The following IQCJ variants were observed in gnomAD, a reference collection of about 807,000 sequenced individuals.
The protein encoded by IQCJ is IQ domain-containing protein J.
In IQCJ, 9 loss-of-function variants were observed where a neutral mutation model predicts 11.0. The observed-to-expected ratio is 0.82, with a 90% CI of 0.49 to 1.43. The LOEUF (loss-of-function observed/expected upper bound fraction) is 1.43. Ranked by LOEUF, IQCJ falls within the 40% of genes most tolerant of loss-of-function variation. IQCJ has a pLI of 0.00. For synonymous variants in IQCJ, 55 were observed against 51.3 expected (o/e 1.07, Z -0.31); for missense variants, 146 against 133.2 (o/e 1.10, Z -0.47).
At chr3:159,103,833 C>T (rs569944030) in intron 1 of IQCJ, among the ~76,000 whole-genome samples, 4 of 152,244 alleles carry the variant, frequency 2.6e-5, no homozygotes, top group Non-Finnish European at 5.9e-5. Context: ...GGAATAGGTA[C>T]ATTGTTTTGA....
At chr3:159,159,916 G>A (rs1485174918) in intron 1 of IQCJ, among the ~76,000 whole-genome samples, 1 of 151,890 alleles carries the variant, frequency 6.6e-6, no homozygotes, top group African/African-American at 2.4e-5. Flanking sequence ...ACTTCCTGAG[G>A]CCCTCACTAG....
At chr3:159,103,710 G>A (rs551444963) in intron 1 of IQCJ, among the ~76,000 whole-genome samples, 4 of 152,266 alleles carry the variant, frequency 2.6e-5, no homozygotes, top group African/African-American at 9.6e-5. Flanking sequence ...TCACCCACTT[G>A]TCCATGGTGT....
chr3:159,175,225 A>G (rs1244886041), intron 1 of IQCJ, among the ~76,000 whole-genome samples: 1 of 152,180 alleles, frequency 6.6e-6, no homozygotes, highest in Non-Finnish European at 1.5e-5. Context: ...TAATCCCAGC[A>G]CTTCAGGAGG....
At chr3:159,234,182 T>C (rs931571354) in intron 1 of IQCJ, among the ~76,000 whole-genome samples, 13 of 152,216 alleles carry the variant, frequency 8.5e-5, no homozygotes, top group Admixed American at 3.3e-4. Flanking sequence ...TATGTTTTCT[T>C]ATCCAAGAAA....
chr3:159,123,670 G>A (rs1719508022), intron 1 of IQCJ, among the ~76,000 whole-genome samples: 1 of 152,122 alleles, frequency 6.6e-6, no homozygotes, highest in African/African-American at 2.4e-5. Context: ...CCATATTTAA[G>A]TATGAAACTC....
chr3:159,147,588 G>A (rs890136441), intron 1 of IQCJ, among the ~76,000 whole-genome samples: 2 of 152,208 alleles, frequency 1.3e-5, no homozygotes, highest in African/African-American at 2.4e-5. Flanking sequence ...ATCTCAGTGA[G>A]ACCAACAATT....
At chr3:159,233,433 G>A (rs1158790274) in intron 1 of IQCJ, among the ~76,000 whole-genome samples, 1 of 152,082 alleles carries the variant, frequency 6.6e-6, no homozygotes, top group Admixed American at 6.5e-5. Context: ...GGCAAAACTG[G>A]GTAACTAATG....
intron 1 of IQCJ, among the ~76,000 whole-genome samples, chr3:159,135,045 G>A (rs1720209221): frequency 6.6e-6 from 1 of 152,136 alleles, no homozygotes; most frequent in African/African-American, 2.4e-5. Flanking sequence ...AGGAAGGCTG[G>A]CCAATAGAGG....
At chr3:159,190,549 G>C (rs1275772788) in intron 1 of IQCJ, among the ~76,000 whole-genome samples, 1 of 152,198 alleles carries the variant, frequency 6.6e-6, no homozygotes, top group Non-Finnish European at 1.5e-5. Context: ...GCAGTGCCTT[G>C]TTGCATTTGA....
intron 1 of IQCJ, among the ~76,000 whole-genome samples, chr3:159,115,356 G>A (rs1718912324): frequency 6.6e-6 from 1 of 152,138 alleles, no homozygotes; most frequent in South Asian, 2.1e-4. Context: ...CTAATTTAGA[G>A]GCAAGTCCTA....
At chr3:159,117,667 C>T (rs1261469846) in intron 1 of IQCJ, among the ~76,000 whole-genome samples, 2 of 152,126 alleles carry the variant, frequency 1.3e-5, no homozygotes, top group Non-Finnish European at 2.9e-5. Context: ...ACCAGGAAGC[C>T]ACTCAACGGT....
At chr3:159,205,852 A>G (rs551481534) in intron 1 of IQCJ, among the ~76,000 whole-genome samples, 9 of 152,158 alleles carry the variant, frequency 5.9e-5, no homozygotes, top group African/African-American at 2.2e-4. Flanking sequence ...AAATGCTTCA[A>G]GTTTCTTTTC....
intron 1 of IQCJ, among the ~76,000 whole-genome samples, chr3:159,141,043 G>A (rs1398311256): frequency 4.6e-5 from 7 of 152,186 alleles, no homozygotes; most frequent in Admixed American, 4.6e-4. Context: ...GAGTAAACAG[G>A]ACCCTGCAAT....
intron 1 of IQCJ, among the ~76,000 whole-genome samples, chr3:159,186,581 C>G (rs1407095062): frequency 6.6e-6 from 1 of 152,152 alleles, no homozygotes; most frequent in African/African-American, 2.4e-5. Flanking sequence ...CCCACATGCT[C>G]TAGATGTTAT....
intron 1 of IQCJ, among the ~76,000 whole-genome samples, chr3:159,163,305 A>T (rs13088886): frequency 0.14 from 20,962 of 152,234 alleles, 1,648 homozygotes; most frequent in Middle Eastern, 0.2. Flanking sequence ...GCATATAAAC[A>T]GAACCAAAGA....
intron 1 of IQCJ, among the ~76,000 whole-genome samples, chr3:159,153,205 A>T (rs887169593): frequency 1.3e-5 from 2 of 152,236 alleles, no homozygotes; most frequent in African/African-American, 4.8e-5. Flanking sequence ...CATAAACTTT[A>T]AGGAACAAAT....
chr3:159,203,882 T>C (rs559276114), intron 1 of IQCJ, among the ~76,000 whole-genome samples: 1 of 152,278 alleles, frequency 6.6e-6, no homozygotes, highest in South Asian at 2.1e-4. Context: ...CAGTTTTCTG[T>C]GGCTATGAGA....
chr3:159,142,428 C>G (rs1374304701), intron 1 of IQCJ, among the ~76,000 whole-genome samples: 4 of 82,344 alleles, frequency 4.9e-5, no homozygotes, highest in Non-Finnish European at 2.9e-5. Context: ...TCTTTTCCCC[C>G]CCCCACCAGA....
intron 1 of IQCJ, among the ~76,000 whole-genome samples, chr3:159,106,939 T>A (rs536915751): frequency 6.6e-6 from 1 of 152,308 alleles, no homozygotes; most frequent in East Asian, 1.9e-4. Context: ...ATAAATCAAG[T>A]CTGCTTTATA....
Sources: gnomAD v4.1 joint callset for allele counts (sites outside exome capture counted in the v4.1 genomes callset) on GRCh38, gnomAD v4.1.1 for gene constraint, MANE v1.5 for transcripts, NCBI Gene and HGNC (gene_info 2026-07-23, HGNC 2026-07-21) for gene names.